The following WASHC4 variants were observed in gnomAD, a reference collection of about 807,000 sequenced individuals.
WASHC4 encodes the protein WASH complex subunit 4, also known as WASH complex subunit 7.
WASHC4 carries 86 observed loss-of-function variants against 166.6 expected under a neutral mutation model. The ratio of observed to expected loss-of-function variants is 0.52; its 90% CI spans 0.43 to 0.62. The LOEUF is 0.62. Ranked by LOEUF, WASHC4 falls within the 20% of genes least tolerant of loss-of-function variation. The pLI is 0.00. For missense variants in WASHC4, 1,262 were observed against 1,382.4 expected, an observed-to-expected ratio of 0.91 and a Z score of 1.38; for synonymous variants, 446 against 451.6, an observed-to-expected ratio of 0.99 and a Z score of 0.16.
At chr12:105,111,436 ATGTG>A (rs1371477109) in intron 2 of WASHC4, among the ~76,000 whole-genome samples, 172 bp downstream of exon 2, 2 of 152,204 alleles carry the variant, frequency 1.3e-5, no homozygotes, top group Non-Finnish European at 1.5e-5. Context: ...TGTTTTTTAA[ATGTG>A]TGTGTTTTCT....
At chr12:105,164,564 T>G (rs1884695085) in intron 31 of WASHC4, 77 bp from the exon 32 acceptor site, 2 of 1,042,248 alleles carry the variant, frequency 1.9e-6, no homozygotes, top group Admixed American at 2.0e-5. Flanking sequence ...ATAAGAGGCA[T>G]AAAAATGCAT....
In WASHC4 at chr12:105,149,539, A is replaced by T. The variant is rs1387478429; in HGVS notation, c.2515-76A>T. ...TAGTACAAATAGATAACTGTGATAC[A>T]GTAAAATTTATTTGAATTGATTTGA... On this transcript the variant is annotated intron_variant, in intron 24 of 32. Coordinates refer to ENST00000332180, the MANE Select transcript of WASHC4 (RefSeq NM_015275.3). The T allele has an allele frequency of 3.5e-6, 4 of 1,130,596 alleles. No homozygotes were observed. In the African/African-American group the frequency reaches 4.7e-5, roughly 13 times the overall value. 70.0% of individuals were successfully genotyped at this position (1,130,596 alleles called of 1,614,324 possible). A position where few individuals can be genotyped will look rare whatever the true frequency, so the allele number is the denominator to read the frequency against.
intron 10 of WASHC4, 129 bp downstream of exon 10, chr12:105,122,367 T>C (rs1880843404): frequency 2.1e-6 from 2 of 931,130 alleles, no homozygotes; most frequent in Non-Finnish European, 3.3e-6. Context: ...TGGCTTAAAA[T>C]TATTGTTACA....
chr12:105,155,510 T>G (rs1267418463), intron 26 of WASHC4, among the ~76,000 whole-genome samples: 1 of 96 alleles, frequency 0.01, no homozygotes, highest in Non-Finnish European at 0.02. Context: ...TTTTGATTAC[T>G]GAGGGTGGAA....
At chr12:105,143,923 A>C (rs1883075506) in intron 20 of WASHC4, among the ~76,000 whole-genome samples, 1 of 151,790 alleles carries the variant, frequency 6.6e-6, no homozygotes, top group Non-Finnish European at 1.5e-5. Context: ...AAAGATGATT[A>C]ATTTTATTAC....
intron 26 of WASHC4, among the ~76,000 whole-genome samples, chr12:105,156,163 A>G (rs1270777850): frequency 6.6e-6 from 1 of 152,226 alleles, no homozygotes; most frequent in African/African-American, 2.4e-5. Flanking sequence ...TGGCTTGAGC[A>G]ACTGAAAGGA....
intron 15 of WASHC4, among the ~76,000 whole-genome samples, chr12:105,139,969 C>T (rs538052565): frequency 1.2e-4 from 18 of 151,760 alleles, no homozygotes; most frequent in African/African-American, 4.4e-4. Context: ...CCTCAACCTC[C>T]GCCTCCCAGG....
chr12:105,129,340 T>C (rs371901233), intron 13 of WASHC4, among the ~76,000 whole-genome samples: 1 of 152,244 alleles, frequency 6.6e-6, no homozygotes. Flanking sequence ...CACCTCGGCC[T>C]TCCAAAGTGC....
At chr12:105,141,691 CCTT>C (rs1439648728) in intron 18 of WASHC4, among the ~76,000 whole-genome samples, 19 of 152,174 alleles carry the variant, frequency 1.2e-4, no homozygotes, top group African/African-American at 4.6e-4. Context: ...TTTTGTAGCT[CCTT>C]CTGGCTTTCT....
At position 105,164,751 on chromosome 12, in the gene WASHC4, G is replaced by A; in HGVS notation, c.3454+11G>A. The A allele has an allele frequency of 6.3e-7, 1 of 1,593,134 alleles. No individual in the cohort carries two copies. The highest frequency in any genetic ancestry group is 2.2e-5 in the East Asian group (1 of 44,666). On this transcript the variant is annotated intron_variant, in intron 32 of 32. Coordinates refer to ENST00000332180, the MANE Select transcript of WASHC4 (RefSeq NM_015275.3). Reference sequence around the variant, plus strand: ...AGAAAGAGAAGGAAGGTCAGTGAGTGGTTTAAATTTGGAAAGACCAATAAA... The same window carrying A: ...AGAAAGAGAAGGAAGGTCAGTGAGTAGTTTAAATTTGGAAAGACCAATAAA...
chr12:105,134,493 T>G (rs758245197), intron 14 of WASHC4, among the ~76,000 whole-genome samples: 17 of 152,114 alleles, frequency 1.1e-4, no homozygotes, highest in Non-Finnish European at 2.4e-4. Flanking sequence ...GTTCTGTAGT[T>G]TTTGTTTTGT....
intron 13 of WASHC4, among the ~76,000 whole-genome samples, chr12:105,133,291 C>T (rs759844676): frequency 6.6e-6 from 1 of 152,140 alleles, no homozygotes; most frequent in Non-Finnish European, 1.5e-5. Flanking sequence ...CTTTTCTGCA[C>T]TTCTCGTATA....
intron 29 of WASHC4, among the ~76,000 whole-genome samples, chr12:105,160,357 T>TA (rs1388254140): frequency 2.0e-5 from 3 of 152,178 alleles, no homozygotes; most frequent in African/African-American, 7.2e-5. Flanking sequence ...TAAATTTTTT[T>TA]TTTCTTCTGA....
intron 24 of WASHC4, chr12:105,148,394 CTG>C (rs57510559): frequency 0.092 from 90,951 of 984,110 alleles, 4,280 homozygotes; most frequent in East Asian, 0.23. Flanking sequence ...GTGTCAGGGA[CTG>C]TGCTGGGCAC....
intron 1 of WASHC4, 33 bp from the exon 2 acceptor site, chr12:105,111,092 C>T (rs767793363): frequency 6.5e-7 from 1 of 1,532,264 alleles, no homozygotes; most frequent in South Asian, 1.1e-5. Context: ...ATTACTTGCA[C>T]TTATCACATA....
intron 16 of WASHC4, 104 bp from the exon 17 acceptor site, chr12:105,140,795 A>G (rs1014502): frequency 0.19 from 215,538 of 1,123,368 alleles, 21,440 homozygotes; most frequent in Admixed American, 0.24. Context: ...GTATTTGTGT[A>G]TGCTCTCTTA....
chr12:105,116,239 T>G (rs1293961839), intron 6 of WASHC4, among the ~76,000 whole-genome samples: 1 of 152,146 alleles, frequency 6.6e-6, no homozygotes, highest in Admixed American at 6.6e-5. Context: ...AAATAGTGCA[T>G]GTACGATGTG....
At chr12:105,118,618 C>T (rs1880415203) in intron 7 of WASHC4, 90 bp downstream of exon 7, 1 of 799,560 alleles carries the variant, frequency 1.3e-6, no homozygotes, top group African/African-American at 1.7e-5. Flanking sequence ...GTTTTTCTTT[C>T]ATTCAGCATT....
chr12:105,130,101 A>G (rs1881662496), intron 13 of WASHC4, among the ~76,000 whole-genome samples: 1 of 152,248 alleles, frequency 6.6e-6, no homozygotes, highest in Non-Finnish European at 1.5e-5. Context: ...CCCAAGTTTA[A>G]ACAACTAGTA....
Sources: allele counts gnomAD v4.1 joint callset (sites outside exome capture counted in the v4.1 genomes callset), GRCh38; gene constraint gnomAD v4.1.1; transcripts MANE v1.5; gene names NCBI Gene and HGNC (gene_info 2026-07-23, HGNC 2026-07-21).